FTO: variants seen among roughly 807,000 people sequenced by gnomAD.
FTO encodes the protein FTO alpha-ketoglutarate dependent dioxygenase.
Under a neutral mutation model 63.9 loss-of-function variants are expected in FTO, and 47 were observed. That is an observed-to-expected ratio of 0.74 (90% CI 0.58 to 0.94). FTO has a LOEUF of 0.94. FTO is among the 40% of genes least tolerant of loss of function. FTO has a pLI of 0.00. For synonymous variants in FTO, 207 were observed against 224.4 expected (o/e 0.92, Z 0.69); for missense variants, 562 against 618.1 (o/e 0.91, Z 0.96).
chr16:53,927,989 T>TG lies in FTO; in HGVS notation c.1240-5996_1240-5995insG, dbSNP rs556304502. Among the ~76,000 whole-genome samples the TG allele has an allele frequency of 1.1e-3, 169 of 152,276 alleles. 1 individual carries two copies. Among genetic ancestry groups the TG allele is most frequent in the African/African-American group, 3.9e-3 (163 of 41,558 alleles). On this transcript the variant is annotated intron_variant, in intron 7 of 8. Coordinates refer to ENST00000471389, the MANE Select transcript of FTO (RefSeq NM_001080432.3). ...CTAGCACAAGGTAGATTGGCAGAGT[T>TG]TAAGATGAAAGTAAACAATAATAAT...
At position 53,808,834 on chromosome 16, in the gene FTO, G is replaced by A. The variant is rs562341807; in HGVS notation, c.46-1306G>A. Among the ~76,000 whole-genome samples the A allele has an allele frequency of 2.6e-5, 4 of 152,338 alleles. No individual in the cohort carries two copies. The East Asian group carries it at 7.7e-4, about 29-fold the overall frequency. On this transcript the variant is annotated intron_variant, in intron 1 of 8. Coordinates refer to ENST00000471389, the MANE Select transcript of FTO (RefSeq NM_001080432.3). The stretch of plus-strand genomic sequence containing the variant: ...TTTTTATAAATGTGACTTACTGGCT[G>A]ACAGTAGCTTTGGTGATGCATTTAA...
At chr16:53,908,531 GC>G (rs2081595988) in intron 7 of FTO, among the ~76,000 whole-genome samples, 1 of 152,220 alleles carries the variant, frequency 6.6e-6, no homozygotes, top group Admixed American at 6.5e-5. Flanking sequence ...TTGGCTACCA[GC>G]CTTTTCCTGT....
intron 5 of FTO, 115 bp from the exon 6 acceptor site, chr16:53,879,729 C>A: frequency 8.8e-7 from 1 of 1,131,200 alleles, no homozygotes; most frequent in Non-Finnish European, 1.3e-6. Flanking sequence ...ATAGACTGAG[C>A]CATGGGGCAA....
intron 8 of FTO, among the ~76,000 whole-genome samples, chr16:53,961,156 T>C (rs985289068): frequency 6.6e-5 from 10 of 151,822 alleles, no homozygotes; most frequent in Non-Finnish European, 1.2e-4. Context: ...TTTTTTTTTT[T>C]CCCCTCTCCT....
chr16:53,897,517 T>G (rs1231260174), intron 7 of FTO, among the ~76,000 whole-genome samples: 1 of 152,204 alleles, frequency 6.6e-6, no homozygotes, highest in African/African-American at 2.4e-5. Flanking sequence ...TATTATTAAT[T>G]GAAATGACAA....
rs57925273 is a variant in FTO at position 53,950,155 on chromosome 16, T to TAAAAAAAAAAAAAA, written c.1364+16057_1364+16070dup. Among the ~76,000 whole-genome samples, 66 of 50,608 alleles carry TAAAAAAAAAAAAAA rather than the reference T, an allele frequency of 1.3e-3. 3 individuals carry two copies. The highest frequency in any genetic ancestry group is 2.3e-3 in the Non-Finnish European group (52 of 22,566). 33.2% of individuals were successfully genotyped at this position (50,608 alleles called of 152,430 possible). A position where few individuals can be genotyped will look rare whatever the true frequency, so the allele number is the denominator to read the frequency against. Reference sequence around the variant, plus strand: ...GGAAAAAAAAAGATATTCACATTTGTAAAAAAAAAAAAAAAAAAAAAAAAC... The same window carrying TAAAAAAAAAAAAAA: ...GGAAAAAAAAAGATATTCACATTTGTAAAAAAAAAAAAAAAAAAAAAAAAAAAAAAAAAAAAAAC... On this transcript the variant is annotated intron_variant, in intron 8 of 8. Coordinates refer to ENST00000471389, the MANE Select transcript of FTO (RefSeq NM_001080432.3).
intron 7 of FTO, among the ~76,000 whole-genome samples, chr16:53,913,928 G>A (rs556372342): frequency 3.3e-5 from 5 of 150,746 alleles, no homozygotes; most frequent in African/African-American, 4.9e-5. Context: ...GCTGTGAGCC[G>A]AGACCACACC....
intron 8 of FTO, among the ~76,000 whole-genome samples, chr16:53,989,137 C>T (rs1286655737): frequency 1.3e-5 from 2 of 152,080 alleles, no homozygotes; most frequent in East Asian, 1.9e-4. Flanking sequence ...GAGGCCAGAG[C>T]AGGCAGCAGT....
At chr16:54,048,256 GAAAAAA>G (rs111381976) in intron 8 of FTO, among the ~76,000 whole-genome samples, 1 of 134,024 alleles carries the variant, frequency 7.5e-6, no homozygotes, top group Admixed American at 7.5e-5. Context: ...AAAAATACTT[GAAAAAA>G]AAAAAAAAAA....
chr16:53,785,914 GAA>G (rs764170371), intron 1 of FTO, among the ~76,000 whole-genome samples: 6 of 102,314 alleles, frequency 5.9e-5, no homozygotes, highest in African/African-American at 8.7e-5. Flanking sequence ...ATCTCAAAAA[GAA>G]AAAAAAAAAA....
chr16:54,038,085 C>T (rs1036623669), intron 8 of FTO, among the ~76,000 whole-genome samples: 1 of 152,126 alleles, frequency 6.6e-6, no homozygotes, highest in African/African-American at 2.4e-5. Flanking sequence ...ACCTTTATTC[C>T]GGCAGTGAAC....
At position 53,752,204 on chromosome 16, in the gene FTO, A is replaced by T. The variant is rs547021821; in HGVS notation, c.45+47975A>T. ...CAATTAAAAGAACAAGGTGTAGAAT[A>T]CTGTTACTATTTGTGTAAAATGCTT... On this transcript the variant is annotated intron_variant, in intron 1 of 8. Coordinates refer to ENST00000471389, the MANE Select transcript of FTO (RefSeq NM_001080432.3). Among the ~76,000 whole-genome samples, 57 of 152,354 alleles carry T rather than the reference A, an allele frequency of 3.7e-4. 1 individual carries two copies. The South Asian group carries it at 8.9e-3, about 24-fold the overall frequency.
chr16:53,728,279 A>G (rs1018169384), intron 1 of FTO, among the ~76,000 whole-genome samples: 1 of 152,082 alleles, frequency 6.6e-6, no homozygotes, highest in African/African-American at 2.4e-5. Context: ...AGCTGAATAA[A>G]CATTCCAGAG....
chr16:53,887,167 C>A (rs2081021902), intron 6 of FTO, among the ~76,000 whole-genome samples: 1 of 152,228 alleles, frequency 6.6e-6, no homozygotes, highest in African/African-American at 2.4e-5. Context: ...ATAGTTCGAT[C>A]AAGGGTCAGT....
chr16:53,769,690 C>T (rs1365438355), intron 1 of FTO, among the ~76,000 whole-genome samples: 1 of 151,974 alleles, frequency 6.6e-6, no homozygotes, highest in African/African-American at 2.4e-5. Context: ...GCAACGTACC[C>T]TAACTTGATA....
At chr16:53,900,706 A>G (rs956708061) in intron 7 of FTO, among the ~76,000 whole-genome samples, 2 of 147,964 alleles carry the variant, frequency 1.4e-5, no homozygotes, top group Non-Finnish European at 3.0e-5. Context: ...CAAGGCAGTA[A>G]GTAATTCAGA....
intron 3 of FTO, 55 bp downstream of exon 3, chr16:53,826,546 G>T: frequency 1.3e-6 from 2 of 1,571,142 alleles, no homozygotes; most frequent in South Asian, 2.2e-5. Flanking sequence ...GACCCGAGTT[G>T]TTTAGGCTCT....
chr16:53,958,520 A>T (rs1440315757), intron 8 of FTO, among the ~76,000 whole-genome samples: 1 of 152,236 alleles, frequency 6.6e-6, no homozygotes, highest in African/African-American at 2.4e-5. Context: ...CCCCCGGTGT[A>T]TAAAAAAGAG....
chr16:53,779,307 A>G (rs1287100625), intron 1 of FTO, among the ~76,000 whole-genome samples: 1 of 152,086 alleles, frequency 6.6e-6, no homozygotes, highest in East Asian at 1.9e-4. Flanking sequence ...CATTTACTCA[A>G]GAGTTTGTCT....
Sources: gnomAD v4.1 joint callset for allele counts (sites outside exome capture counted in the v4.1 genomes callset) on GRCh38, gnomAD v4.1.1 for gene constraint, MANE v1.5 for transcripts, NCBI Gene and HGNC (gene_info 2026-07-23, HGNC 2026-07-21) for gene names.